Variants in MCF2L2 observed in about 807,000 individuals in gnomAD.
MCF2L2 encodes the protein MCF.2 cell line derived transforming sequence-like 2.
MCF2L2 carries 102 observed loss-of-function variants against 150.2 expected under a neutral mutation model. The observed-to-expected ratio is 0.68, with a 90% confidence interval of 0.58 to 0.80. MCF2L2 has a LOEUF of 0.80. Among genes scored for constraint, MCF2L2 ranks in the 30% least tolerant of loss-of-function variants. The probability of loss-of-function intolerance (pLI) is 0.00; values close to 1 mark genes in which losing one functional copy is unlikely to be tolerated. For synonymous variants in MCF2L2, 465 were observed against 491.3 expected (o/e 0.95, Z 0.71); for missense variants, 1,256 against 1,372.8 (o/e 0.91, Z 1.34).
At chr3:183,216,597 T>A (rs1322517760) in intron 21 of MCF2L2, among the ~76,000 whole-genome samples, 13 of 23,992 alleles carry the variant, frequency 5.4e-4, no homozygotes, top group African/African-American at 1.3e-3. Context: ...TTTTTTTTTT[T>A]TTTTTTTTTT....
In MCF2L2 at chr3:183,305,622, C is replaced by T. The variant is rs1399130459; in HGVS notation, c.1113+4094G>A. ...TCCCAGCACTTTGGGAAGCCAAGGC[C>T]GGCGGATCACAAGGTCAGGAGTTAG... is the stretch of plus-strand genomic sequence containing the variant. On this transcript the variant is annotated intron_variant, in intron 10 of 29. Transcript: ENST00000328913. This position sits in a 1 kb window ranked among gnomAD's most constrained non-coding sequence, Gnocchi z 4.1. Among the ~76,000 whole-genome samples, 1 of 152,072 alleles carries T rather than the reference C, an allele frequency of 6.6e-6. No homozygotes were observed. The highest frequency in any genetic ancestry group is 1.5e-5 in the Non-Finnish European group (1 of 68,004).
intron 4 of MCF2L2, among the ~76,000 whole-genome samples, chr3:183,340,707 C>T (rs1422950569): frequency 6.6e-6 from 1 of 152,120 alleles, no homozygotes; most frequent in East Asian, 1.9e-4. Flanking sequence ...CTTTGGGAGG[C>T]TGAGGTGGGC....
chr3:183,281,362 C>CTT (rs773642295), intron 14 of MCF2L2, among the ~76,000 whole-genome samples: 127 of 121,708 alleles, frequency 1.0e-3, no homozygotes, highest in East Asian at 1.2e-3. Flanking sequence ...GGAACCTCAC[C>CTT]TTTTTTTTTT....
intron 6 of MCF2L2, among the ~76,000 whole-genome samples, chr3:183,322,749 C>CCAATA: frequency 6.6e-6 from 1 of 152,236 alleles, no homozygotes; most frequent in Non-Finnish European, 1.5e-5. Flanking sequence ...TAGTGAGTAT[C>CCAATA]GTACCCAATA....
In MCF2L2 at chr3:183,424,177, T is replaced by G. The variant is rs910331524; in HGVS notation, c.76+3725A>C. On this transcript the variant is annotated intron_variant, in intron 1 of 29. Coordinates refer to ENST00000328913, the MANE Select transcript of MCF2L2 (RefSeq NM_015078.4). The stretch of plus-strand genomic sequence containing the variant: ...GAAATTCTGTAAACCAATGTGACTC[T>G]ATGGTCCAGAATCAAGGGGAAAGGA... Among the ~76,000 whole-genome samples the G allele has an allele frequency of 2.0e-5, 3 of 152,206 alleles. No individual in the cohort carries two copies. In the East Asian group the frequency reaches 5.8e-4, roughly 29 times the overall value.
intron 15 of MCF2L2, chr3:183,273,237 C>G: frequency 2.6e-6 from 1 of 379,646 alleles, no homozygotes; most frequent in Non-Finnish European, 4.9e-6. Context: ...ATTTTTTTAC[C>G]TTTTGGTTGG....
At chr3:183,347,055 T>A (rs939960960) in intron 3 of MCF2L2, among the ~76,000 whole-genome samples, 1 of 152,176 alleles carries the variant, frequency 6.6e-6, no homozygotes, top group Non-Finnish European at 1.5e-5. Context: ...TAGAAAAAAC[T>A]ACTTTAAATT....
chr3:183,385,457 T>C (rs1168030856), intron 2 of MCF2L2, among the ~76,000 whole-genome samples: 2 of 152,140 alleles, frequency 1.3e-5, no homozygotes, highest in Non-Finnish European at 2.9e-5. Flanking sequence ...CTGGGCTTCA[T>C]TGGTGTGTAT....
intron 5 of MCF2L2, among the ~76,000 whole-genome samples, chr3:183,335,893 T>G (rs1730459621): frequency 6.6e-6 from 1 of 152,024 alleles, no homozygotes. Context: ...ATAAAGGGCT[T>G]GAGGGAGTGA....
chr3:183,215,774 C>T (rs3821522), intron 22 of MCF2L2, among the ~76,000 whole-genome samples, 195 bp downstream of exon 22: 47,389 of 152,010 alleles, frequency 0.31, 8,277 homozygotes, highest in Middle Eastern at 0.45. Flanking sequence ...AGGAATAAAT[C>T]CAAGATTCCT....
chr3:183,299,218 T>TTCTGGCTTC (rs1302496114), intron 11 of MCF2L2: 5 of 152,366 alleles, frequency 3.3e-5, no homozygotes, highest in African/African-American at 1.2e-4. Flanking sequence ...CTGACTTTAA[T>TTCTGGCTTC]TCTGGCTTCC....
chr3:183,197,895 C>T lies in MCF2L2; in HGVS notation c.2885-2640G>A, dbSNP rs76815676. ...AACCTAATGACATACCACTATGCCC[C>T]TATTAGAAATCTGAAAATTTAAAAG... On this transcript the variant is annotated intron_variant, in intron 25 of 29. Coordinates refer to ENST00000328913, the MANE Select transcript of MCF2L2 (RefSeq NM_015078.4). This position sits in a 1 kb window ranked among gnomAD's most constrained non-coding sequence, Gnocchi z 4.5. Among the ~76,000 whole-genome samples the T allele has an allele frequency of 0.029, 4,411 of 152,174 alleles. 236 individuals carry two copies. The highest frequency in any genetic ancestry group is 0.1 in the African/African-American group (4,242 of 41,510).
intron 18 of MCF2L2, chr3:183,228,022 T>TATACACACACACACAC: frequency 3.9e-5 from 1 of 25,574 alleles, no homozygotes; most frequent in Non-Finnish European, 2.4e-4. Context: ...TATATATATA[T>TATACACACACACACAC]ACATATACAC....
rs777708205 is a variant in MCF2L2 at position 183,229,721 on chromosome 3, T to A, written c.1990A>T (p.Asn664Tyr). The A allele has an allele frequency of 3.7e-6, 6 of 1,605,842 alleles. No individual in the cohort carries two copies. Among genetic ancestry groups the A allele is most frequent in the Non-Finnish European group, 5.1e-6 (6 of 1,173,916 alleles). Residue 664 changes from asparagine to tyrosine, a missense_variant, in exon 17 of 30, where the codon AAT becomes TAT. Transcript: ENST00000328913. ...LKHLIPDVLQNNKDFLFGNIR... is the reference protein window; with the variant it reads ...LKHLIPDVLQYNKDFLFGNIR... ...TTCCCAAAGAGAAAGTCCTTGTTAT[T>A]CTGAAGAACATCTGGAATTAGATGC...
rs1726294488 is a variant in MCF2L2 at position 183,267,691 on chromosome 3, G to GA, written c.1862+9180_1862+9181insT. On this transcript the variant is annotated intron_variant, in intron 15 of 29. Transcript: ENST00000328913. The surrounding 1 kb of genome is among the most constrained non-coding windows in gnomAD (Gnocchi z 5.5). ...GAAGAGAGCCTACCTTTCCATCCAA[G>GA]GAAGTGTTTTACCTGTGGTAAGCAC... is the stretch of plus-strand genomic sequence containing the variant. Among the ~76,000 whole-genome samples, 1 of 152,216 alleles carries GA rather than the reference G, an allele frequency of 6.6e-6. No individual in the cohort carries two copies. The highest frequency in any genetic ancestry group is 2.4e-5 in the African/African-American group (1 of 41,456).
At chr3:183,382,712 A>G (rs1194629491) in intron 2 of MCF2L2, among the ~76,000 whole-genome samples, 1 of 152,246 alleles carries the variant, frequency 6.6e-6, no homozygotes, top group Non-Finnish European at 1.5e-5. Context: ...ATGATAACTT[A>G]AAATAAACTT....
chr3:183,216,578 ATATTTTTTTTTTTTTTTTTTTTT>A (rs1349707978), intron 21 of MCF2L2, among the ~76,000 whole-genome samples: 159 of 6,762 alleles, frequency 0.024, 6 homozygotes, highest in South Asian at 0.12. Flanking sequence ...ATATATATAT[ATATTTTTTTTTTTTTTTTTTTTT>A]TTTTTTTTTT....
chr3:183,290,924 G>C (rs1357503400), intron 13 of MCF2L2, among the ~76,000 whole-genome samples: 1 of 152,132 alleles, frequency 6.6e-6, no homozygotes, highest in Non-Finnish European at 1.5e-5. Context: ...AGACTTGATG[G>C]AGGTTGACCA....
chr3:183,276,937 G>A lies in MCF2L2; in HGVS notation c.1797C>T (p.Ser599=). ...GCTCAGGGTTCCCCCTTTCATGATG[G>A]CTTTCAAAGATTTCTTCACTCTGAA... The part of the protein sequence containing the change: ...FEVKSEEIFE[S]HHERGNPELE... The change falls in exon 15 of 30, where the codon AGC becomes AGT. Residue 599 remains serine, a synonymous_variant. Coordinates refer to ENST00000328913, the MANE Select transcript of MCF2L2 (RefSeq NM_015078.4). 1 of 1,608,604 alleles carries A rather than the reference G, an allele frequency of 6.2e-7. No individual in the cohort carries two copies. The highest frequency in any genetic ancestry group is 8.5e-7 in the Non-Finnish European group (1 of 1,177,096).
Sources: gnomAD v4.1 joint callset for allele counts (sites outside exome capture counted in the v4.1 genomes callset) on GRCh38, gnomAD v4.1.1 for gene constraint, Gnocchi (gnomAD v3.1) non-coding constraint, MANE v1.5 for transcripts, NCBI Gene and HGNC (gene_info 2026-07-23, HGNC 2026-07-21) for gene names.